RPS6KA5: variants seen among roughly 807,000 people sequenced by gnomAD.
The protein encoded by RPS6KA5 is ribosomal protein S6 kinase A5, also known as ribosomal protein S6 kinase alpha-5.
A neutral mutation model predicts 85.5 loss-of-function variants in RPS6KA5; 27 were observed. The observed-to-expected ratio is 0.32, with a 90% CI of 0.23 to 0.44. The LOEUF is 0.44. Among genes scored for constraint, RPS6KA5 ranks in the 20% least tolerant of loss-of-function variants. The pLI is 1.00. For synonymous variants in RPS6KA5, 334 were observed against 348.2 expected, an observed-to-expected ratio of 0.96 and a Z score of 0.46; for missense variants, 811 against 980.9, an observed-to-expected ratio of 0.83 and a Z score of 2.31.
chr14:90,954,904 G>C (rs969077027), intron 3 of RPS6KA5, among the ~76,000 whole-genome samples: 1 of 152,170 alleles, frequency 6.6e-6, no homozygotes, highest in Admixed American at 6.5e-5. Context: ...AGTTGTTCAT[G>C]ATGATCCTTT....
At chr14:90,961,919 A>T (rs968734116) in intron 3 of RPS6KA5, among the ~76,000 whole-genome samples, 1 of 152,226 alleles carries the variant, frequency 6.6e-6, no homozygotes, top group Non-Finnish European at 1.5e-5. Flanking sequence ...AAGGCAGAGG[A>T]TCTGAATTTG....
intron 1 of RPS6KA5, among the ~76,000 whole-genome samples, chr14:91,047,067 G>A (rs78582542): frequency 4.0e-5 from 6 of 149,398 alleles, no homozygotes; most frequent in Middle Eastern, 3.6e-3. Context: ...AAAAAAAGAA[G>A]AAGAAGCAAA....
chr14:90,892,485 A>C (rs2034618199), intron 13 of RPS6KA5, among the ~76,000 whole-genome samples: 1 of 152,242 alleles, frequency 6.6e-6, no homozygotes, highest in African/African-American at 2.4e-5. Flanking sequence ...CCTAGTCAGG[A>C]ATGGTGGGAA....
intron 2 of RPS6KA5, among the ~76,000 whole-genome samples, chr14:90,982,990 G>A (rs1345358332): frequency 1.3e-5 from 2 of 152,124 alleles, no homozygotes; most frequent in Non-Finnish European, 2.9e-5. Context: ...GTGGGCACCT[G>A]TGGTCCCAGC....
At chr14:90,898,734 C>T (rs569950010) in intron 12 of RPS6KA5, among the ~76,000 whole-genome samples, 61 of 152,270 alleles carry the variant, frequency 4.0e-4, no homozygotes, top group African/African-American at 8.4e-4. Flanking sequence ...TGAACAGACA[C>T]GAACTGGACA....
chr14:90,883,679 T>C (rs1442757965), intron 14 of RPS6KA5, among the ~76,000 whole-genome samples: 1 of 152,218 alleles, frequency 6.6e-6, no homozygotes, highest in African/African-American at 2.4e-5. Flanking sequence ...CATACTTTCT[T>C]GTTTCTTTAT....
intron 14 of RPS6KA5, among the ~76,000 whole-genome samples, chr14:90,881,998 G>A (rs1417588401): frequency 6.6e-6 from 1 of 152,146 alleles, no homozygotes; most frequent in African/African-American, 2.4e-5. Flanking sequence ...TGATAAAAAG[G>A]AACTAACTTC....
At chr14:90,894,229 A>G in intron 13 of RPS6KA5, 184 bp downstream of exon 13, 1 of 1,234,654 alleles carries the variant, frequency 8.1e-7, no homozygotes, top group Non-Finnish European at 1.0e-6. Context: ...ATAAACAAAG[A>G]CAAATTTATT....
chr14:90,866,795 A>AAAGT lies in RPS6KA5; in HGVS notation c.*5278_*5279insACTT, dbSNP rs2032820331. The AAAGT allele has an allele frequency of 2.0e-5, 3 of 152,298 alleles. No individual in the cohort carries two copies. The highest frequency in any genetic ancestry group is 3.4e-3 in the Middle Eastern group (1 of 294). 9.4% of individuals were successfully genotyped at this position (152,298 alleles called of 1,614,324 possible). A position where few individuals can be genotyped will look rare whatever the true frequency, so the allele number is the denominator to read the frequency against. On this transcript the variant is annotated 3_prime_UTR_variant, in exon 17 of 17. Transcript: ENST00000614987. Reference sequence around the variant, plus strand: ...TCATGCCTGTGAAGTTTTTAGGAATATTTTTCAAAACTTTAGTACTGAGGC... The same window carrying AAAGT: ...TCATGCCTGTGAAGTTTTTAGGAATAAAGTTTTTTCAAAACTTTAGTACTGAGGC...
At chr14:90,991,646 G>A (rs1399873731) in intron 2 of RPS6KA5, among the ~76,000 whole-genome samples, 5 of 145,348 alleles carry the variant, frequency 3.4e-5, no homozygotes. Flanking sequence ...AGGTTGCAGT[G>A]AGCTGAGATC....
intron 3 of RPS6KA5, among the ~76,000 whole-genome samples, chr14:90,957,150 C>T (rs1032684981): frequency 2.6e-5 from 4 of 151,912 alleles, no homozygotes; most frequent in Non-Finnish European, 5.9e-5. Flanking sequence ...CTGCAACCTC[C>T]GCCTCCTGGG....
At chr14:91,035,956 G>GAAAA (rs10689832) in intron 1 of RPS6KA5, among the ~76,000 whole-genome samples, 166 of 133,430 alleles carry the variant, frequency 1.2e-3, no homozygotes, top group East Asian at 4.7e-3. Context: ...CTTAGGGTAT[G>GAAAA]AAAAAAAAAA....
chr14:90,892,414 C>T (rs538627462), intron 13 of RPS6KA5, among the ~76,000 whole-genome samples: 7 of 152,334 alleles, frequency 4.6e-5, no homozygotes, highest in South Asian at 4.1e-4. Flanking sequence ...ACACTGCTCA[C>T]TTGCCTACCT....
intron 2 of RPS6KA5, among the ~76,000 whole-genome samples, chr14:90,981,759 G>T (rs964151690): frequency 8.5e-5 from 13 of 152,222 alleles, no homozygotes; most frequent in Non-Finnish European, 7.3e-5. Flanking sequence ...TTCACCACAT[G>T]GTAAGTGCCA....
intron 1 of RPS6KA5, among the ~76,000 whole-genome samples, chr14:91,054,804 T>A (rs549595775): frequency 8.8e-4 from 133 of 150,754 alleles, no homozygotes; most frequent in South Asian, 3.8e-3. Context: ...AAAAAAAAAA[T>A]TTTTTTTTAA....
At position 90,906,183 on chromosome 14, in the gene RPS6KA5, T is replaced by A; in HGVS notation, c.923A>T (p.Asp308Val). ...PKKRLGCGPR[D>V]ADEIKEHLFF... ...GAGATGTTCTTTGATTTCATCTGCA[T>A]CACGTGGACCACATCCCAATCTCTT... The change falls in exon 8 of 17, where the codon GAT becomes GTT. Residue 308 changes from aspartate (D) to valine (V), a missense_variant. This residue lies in a region of RPS6KA5 where 650 missense variants were observed against 793.4 expected (regional missense o/e 0.82). Transcript: ENST00000614987. 1 of 1,611,122 alleles carries A rather than the reference T, an allele frequency of 6.2e-7. No individual in the cohort carries two copies. The highest frequency in any genetic ancestry group is 8.5e-7 in the Non-Finnish European group (1 of 1,177,830).
chr14:90,864,656 A>C lies in RPS6KA5; in HGVS notation c.*7418T>G, dbSNP rs2032723734. On this transcript the variant is annotated 3_prime_UTR_variant, in exon 17 of 17. Coordinates refer to ENST00000614987, the MANE Select transcript of RPS6KA5 (RefSeq NM_004755.4). ...CAGACAAAAACCCTCATATCCATAAAATATAAAAGACTCCTGCAAGTCAGT... is the reference window on the plus strand; with the variant it reads ...CAGACAAAAACCCTCATATCCATAACATATAAAAGACTCCTGCAAGTCAGT... 1 of 152,212 alleles carries C rather than the reference A, an allele frequency of 6.6e-6. No homozygotes were observed. The highest frequency in any genetic ancestry group is 2.1e-4 in the South Asian group (1 of 4,834). The allele number at this position is 152,212 out of a possible 1,614,324, so 9.4% of individuals were successfully genotyped here.
intron 3 of RPS6KA5, among the ~76,000 whole-genome samples, chr14:90,962,690 G>A (rs544814407): frequency 3.6e-4 from 54 of 152,032 alleles, no homozygotes; most frequent in African/African-American, 1.2e-3. Flanking sequence ...TACCTTTAAC[G>A]TAGTACAAAA....
chr14:90,936,107 G>A (rs1031314359), intron 5 of RPS6KA5, among the ~76,000 whole-genome samples: 5 of 152,212 alleles, frequency 3.3e-5, no homozygotes, highest in Admixed American at 6.5e-5. Context: ...CTGAAAATTA[G>A]AGATGTTTTG....
Sources: gnomAD v4.1 joint callset for allele counts (sites outside exome capture counted in the v4.1 genomes callset) on GRCh38, gnomAD v4.1.1 for gene constraint, gnomAD v4.1.1 regional missense constraint, MANE v1.5 for transcripts, NCBI Gene and HGNC (gene_info 2026-07-23, HGNC 2026-07-21) for gene names.